Variants in SLC25A21 observed in about 807,000 individuals in gnomAD.
The protein encoded by SLC25A21 is mitochondrial 2-oxodicarboxylate carrier.
A neutral mutation model predicts 43.8 loss-of-function variants in SLC25A21; 47 were observed. That is an observed-to-expected ratio of 1.07 (90% CI 0.85 to 1.37). The LOEUF (loss-of-function observed/expected upper bound fraction) is 1.37. SLC25A21 is among the 40% of genes most tolerant of loss of function. The pLI is 0.00. For synonymous variants in SLC25A21, 131 were observed against 121.3 expected, an observed-to-expected ratio of 1.08 and a Z score of -0.52; for missense variants, 352 against 350.2, an observed-to-expected ratio of 1.00 and a Z score of -0.04.
intron 1 of SLC25A21, among the ~76,000 whole-genome samples, chr14:36,919,669 C>A (rs1195569371): frequency 6.8e-6 from 1 of 147,778 alleles, no homozygotes; most frequent in African/African-American, 2.6e-5. Flanking sequence ...CTATCTATCT[C>A]TATTTATCTA....
At chr14:36,768,651 A>C (rs1054035625) in intron 3 of SLC25A21, among the ~76,000 whole-genome samples, 1 of 152,188 alleles carries the variant, frequency 6.6e-6, no homozygotes, top group Non-Finnish European at 1.5e-5. Flanking sequence ...GTTCTGTGAC[A>C]TTAGGCAGGT....
In SLC25A21 at chr14:36,679,768, G is replaced by T; in HGVS notation, c.*890C>A. 2.0e-6 allele frequency: 2 copies of T among 985,238 alleles called. No homozygotes were observed. Among genetic ancestry groups the T allele is most frequent in the Non-Finnish European group, 2.4e-6 (2 of 829,790 alleles). The allele number at this position is 985,238 out of a possible 1,614,324, so 61.0% of individuals were successfully genotyped here. A position where few individuals can be genotyped will look rare whatever the true frequency, so the allele number is the denominator to read the frequency against. ...GTAGGCATGCTGAATAAAGGTATTTGGATGCAAATACTGATGGCTGACAAA... is the reference window on the plus strand; with the variant it reads ...GTAGGCATGCTGAATAAAGGTATTTTGATGCAAATACTGATGGCTGACAAA... On this transcript the variant is annotated 3_prime_UTR_variant, in exon 10 of 10. Transcript: ENST00000331299.
chr14:37,128,194 C>T (rs532276673), intron 1 of SLC25A21, among the ~76,000 whole-genome samples: 31 of 152,092 alleles, frequency 2.0e-4, no homozygotes, highest in African/African-American at 6.7e-4. Flanking sequence ...TTGTTTAAGC[C>T]GAGGGATGCC....
At chr14:36,765,053 C>G (rs191820145) in intron 3 of SLC25A21, among the ~76,000 whole-genome samples, 3 of 152,314 alleles carry the variant, frequency 2.0e-5, no homozygotes, top group East Asian at 3.9e-4. Flanking sequence ...ATTTCCTTGA[C>G]CAATAGAATA....
intron 1 of SLC25A21, among the ~76,000 whole-genome samples, chr14:36,956,546 C>T (rs1262985185): frequency 6.6e-6 from 1 of 152,168 alleles, no homozygotes; most frequent in Non-Finnish European, 1.5e-5. Flanking sequence ...TCTTAGCTCC[C>T]TAGCATTTGC....
chr14:37,036,078 C>T (rs1370749958), intron 1 of SLC25A21, among the ~76,000 whole-genome samples: 1 of 152,154 alleles, frequency 6.6e-6, no homozygotes, highest in Non-Finnish European at 1.5e-5. Context: ...TTTACTCCCA[C>T]CTTGCCAGTA....
At chr14:36,914,674 A>G (rs1367032) in intron 1 of SLC25A21, among the ~76,000 whole-genome samples, 29,260 of 152,138 alleles carry the variant, frequency 0.19, 4,070 homozygotes, top group East Asian at 0.38. Flanking sequence ...CTTTTATGAT[A>G]AGCCAAGTGC....
intron 1 of SLC25A21, among the ~76,000 whole-genome samples, chr14:37,113,853 CAAAAA>C (rs34321762): frequency 8.4e-5 from 10 of 119,378 alleles, no homozygotes; most frequent in East Asian, 2.4e-4. Flanking sequence ...GACTCTGTCT[CAAAAA>C]AAAAAAAAAA....
At chr14:37,164,023 A>G (rs1963992014) in intron 1 of SLC25A21, among the ~76,000 whole-genome samples, 1 of 152,294 alleles carries the variant, frequency 6.6e-6, no homozygotes, top group African/African-American at 2.4e-5. Flanking sequence ...TGGGGGCAAA[A>G]GGGAGGTGAG....
intron 1 of SLC25A21, among the ~76,000 whole-genome samples, chr14:36,955,042 C>T (rs922834520): frequency 6.6e-6 from 1 of 152,138 alleles, no homozygotes; most frequent in Non-Finnish European, 1.5e-5. Flanking sequence ...TGTTTTTTCT[C>T]CACTCTACTT....
intron 3 of SLC25A21, among the ~76,000 whole-genome samples, chr14:36,742,629 A>G (rs142646708): frequency 6.6e-6 from 1 of 152,302 alleles, no homozygotes; most frequent in African/African-American, 2.4e-5. Flanking sequence ...GAGGGAGGAA[A>G]AACAGTTCAA....
At chr14:36,985,042 T>TG (rs1217767051) in intron 1 of SLC25A21, among the ~76,000 whole-genome samples, 4 of 151,486 alleles carry the variant, frequency 2.6e-5, no homozygotes, top group Non-Finnish European at 5.9e-5. Flanking sequence ...TGGATGAAAC[T>TG]GGAAATCATC....
chr14:36,974,443 C>T (rs1873414182), intron 1 of SLC25A21, among the ~76,000 whole-genome samples: 1 of 152,180 alleles, frequency 6.6e-6, no homozygotes, highest in Non-Finnish European at 1.5e-5. Context: ...ACAGTAGGTA[C>T]ACATATTATA....
At chr14:36,765,932 A>T (rs1336596762) in intron 3 of SLC25A21, among the ~76,000 whole-genome samples, 1 of 151,894 alleles carries the variant, frequency 6.6e-6, no homozygotes. Flanking sequence ...AAACTCAAAG[A>T]CTCTTTTCCC....
intron 3 of SLC25A21, among the ~76,000 whole-genome samples, chr14:36,810,642 T>C (rs568294191): frequency 2.0e-5 from 3 of 152,196 alleles, no homozygotes; most frequent in African/African-American, 7.2e-5. Flanking sequence ...TATAGAAGAG[T>C]TATCATCTCT....
intron 1 of SLC25A21, among the ~76,000 whole-genome samples, chr14:37,170,929 A>G: frequency 7.6e-5 from 1 of 13,160 alleles, no homozygotes; most frequent in African/African-American, 8.9e-5. Context: ...TACAAAAAAA[A>G]TTAAAAAAAA....
At chr14:36,707,367 T>C (rs1215210071) in intron 7 of SLC25A21, among the ~76,000 whole-genome samples, 2 of 152,178 alleles carry the variant, frequency 1.3e-5, no homozygotes, top group African/African-American at 4.8e-5. Context: ...CATCTCCTGG[T>C]GCTTGGCACA....
chr14:36,897,479 G>C (rs569198467), intron 1 of SLC25A21, among the ~76,000 whole-genome samples: 1 of 151,888 alleles, frequency 6.6e-6, no homozygotes, highest in African/African-American at 2.4e-5. Context: ...CCATGGGTTC[G>C]AACTTCCTCC....
At chr14:37,034,764 G>A (rs1274332987) in intron 1 of SLC25A21, among the ~76,000 whole-genome samples, 1 of 152,204 alleles carries the variant, frequency 6.6e-6, no homozygotes, top group Non-Finnish European at 1.5e-5. Flanking sequence ...CCTTCAATTT[G>A]CTAAGCCAGG....
Sources: gnomAD v4.1 joint callset for allele counts (sites outside exome capture counted in the v4.1 genomes callset) on GRCh38, gnomAD v4.1.1 for gene constraint, MANE v1.5 for transcripts, NCBI Gene and HGNC (gene_info 2026-07-23, HGNC 2026-07-21) for gene names.